Variants in LAMC2 observed in about 807,000 individuals in gnomAD.
LAMC2 encodes laminin subunit gamma-2.
In LAMC2, 97 loss-of-function variants were observed where a neutral mutation model predicts 140.2. The ratio of observed to expected loss-of-function variants is 0.69; its 90% CI spans 0.59 to 0.82. LAMC2 has a LOEUF of 0.82. LAMC2 is among the 40% of genes least tolerant of loss of function. The pLI, the probability that LAMC2 is intolerant of heterozygous loss-of-function variation, is 0.00. For missense variants in LAMC2, 1,402 were observed against 1,476.1 expected, an observed-to-expected ratio of 0.95 and a Z score of 0.82; for synonymous variants, 513 against 540.2, an observed-to-expected ratio of 0.95 and a Z score of 0.70.
rs944567230 is a variant in LAMC2 at position 183,227,511 on chromosome 1, C to G, written c.1286-4C>G. The G allele has an allele frequency of 1.2e-6, 2 of 1,613,238 alleles. No homozygotes were observed. Among genetic ancestry groups the G allele is most frequent in the Non-Finnish European group, 8.5e-7 (1 of 1,179,234 alleles). The stretch of plus-strand genomic sequence containing the variant: ...CTGCCCCTCCACTCTTCTCCTACCC[C>G]CAGGAGATTGTTATTCAGGGGATGA... On this transcript the variant is annotated splice_polypyrimidine_tract_variant and splice_region_variant and intron_variant, in intron 9 of 22. Coordinates refer to ENST00000264144, the MANE Select transcript of LAMC2 (RefSeq NM_005562.3).
rs376681961 is a variant in LAMC2 at position 183,234,348 on chromosome 1, G to T, written c.2221-19G>T. 7 of 1,605,928 alleles carry T rather than the reference G, an allele frequency of 4.4e-6. No homozygotes were observed. In the African/African-American group the frequency reaches 9.4e-5, roughly 21 times the overall value. ...AAGCCTTAACCGATTCGCCTTAACC[G>T]ATTCTCCTTTTCCCACAGAACATTC... On this transcript the variant is annotated intron_variant, in intron 14 of 22. Transcript: ENST00000264144.
At chr1:183,197,128 G>A (rs1351098613) in intron 1 of LAMC2, among the ~76,000 whole-genome samples, 3 of 152,208 alleles carry the variant, frequency 2.0e-5, no homozygotes, top group African/African-American at 7.2e-5. Flanking sequence ...AAGTTGCAGG[G>A]AATTCAGCTA....
intron 8 of LAMC2, among the ~76,000 whole-genome samples, chr1:183,226,486 G>A (rs1453844515): frequency 6.6e-6 from 1 of 152,174 alleles, no homozygotes; most frequent in Non-Finnish European, 1.5e-5. Flanking sequence ...GCTAGTGAGG[G>A]TGGATTCAGA....
At chr1:183,221,744 GA>G (rs910367440) in intron 5 of LAMC2, among the ~76,000 whole-genome samples, 16 of 145,858 alleles carry the variant, frequency 1.1e-4, no homozygotes, top group African/African-American at 1.8e-4. Context: ...AAAAACAAAT[GA>G]AAAAAAAATG....
intron 11 of LAMC2, among the ~76,000 whole-genome samples, chr1:183,229,065 T>C (rs1277991113): frequency 6.6e-6 from 1 of 152,122 alleles, no homozygotes; most frequent in Non-Finnish European, 1.5e-5. Flanking sequence ...GTCAGCGTAA[T>C]TGATGTGTAG....
chr1:183,219,017 T>C (rs772399500), intron 4 of LAMC2, among the ~76,000 whole-genome samples: 14 of 152,160 alleles, frequency 9.2e-5, no homozygotes, highest in African/African-American at 3.4e-4. Flanking sequence ...TAAGAGCCCT[T>C]TGGGCCAAGC....
chr1:183,216,645 C>G (rs1037320791), intron 3 of LAMC2, among the ~76,000 whole-genome samples: 2 of 152,198 alleles, frequency 1.3e-5, no homozygotes, highest in Non-Finnish European at 2.9e-5. Flanking sequence ...ATCCCCACCC[C>G]ACTATCTCCT....
chr1:183,240,570 C>G (rs1308273504), intron 22 of LAMC2, 179 bp downstream of exon 22: 1 of 1,442,524 alleles, frequency 6.9e-7, no homozygotes, highest in African/African-American at 1.4e-5. Context: ...TTACTGGACC[C>G]TGTTTTACCG....
At position 183,241,648 on chromosome 1, in the gene LAMC2, C is replaced by T. The variant is rs1380582201; in HGVS notation, c.3328+1257C>T. On this transcript the variant is annotated intron_variant, in intron 22 of 22. Transcript: ENST00000264144. ...CTATTCCAGTTCAGTAGAACAACTT[C>T]GAAACTGGATTTTTCTGTAGGGTGT... 2.6e-5 allele frequency among the ~76,000 whole-genome samples: 4 copies of T among 151,978 alleles called. No homozygotes were observed. The East Asian group carries it at 5.8e-4, about 22-fold the overall frequency.
In LAMC2 at chr1:183,228,664, A is replaced by C; in HGVS notation, c.1714+45A>C. 6.2e-7 allele frequency: 1 copy of C among 1,611,114 alleles called. No homozygotes were observed. Among genetic ancestry groups the C allele is most frequent in the Non-Finnish European group, 8.5e-7 (1 of 1,179,306 alleles). ...AGGCTGTGTCTGTGCGTGCCTGTGT[A>C]CGTATGCACTTGCTTGCCATCTAAG... On this transcript the variant is annotated intron_variant, in intron 11 of 22. Transcript: ENST00000264144. The surrounding 1 kb of genome is among the most constrained non-coding windows in gnomAD (Gnocchi z 4.3).
intron 19 of LAMC2, among the ~76,000 whole-genome samples, chr1:183,238,744 T>A (rs113859162): frequency 6.6e-4 from 100 of 152,328 alleles, no homozygotes; most frequent in African/African-American, 2.4e-3. Flanking sequence ...AAACTATGTG[T>A]TCTCTAAGTT....
intron 14 of LAMC2, 25 bp downstream of exon 14, chr1:183,232,882 T>C (rs1659845063): frequency 1.2e-6 from 2 of 1,606,430 alleles, no homozygotes; most frequent in Non-Finnish European, 1.7e-6. Context: ...GGCTAGAGTA[T>C]TGAGAATACT....
At chr1:183,235,496 T>C (rs1659925753) in intron 15 of LAMC2, 79 bp from the exon 16 acceptor site, 1 of 1,514,700 alleles carries the variant, frequency 6.6e-7, no homozygotes, top group African/African-American at 1.4e-5. Flanking sequence ...CCCGTACTCT[T>C]TGCCCTTCGT....
In LAMC2 at chr1:183,240,372, C is replaced by T. The variant is rs753696912; in HGVS notation, c.3309C>T (p.Asp1103=). 1.5e-5 allele frequency: 24 copies of T among 1,614,080 alleles called. No homozygotes were observed. The highest frequency in any genetic ancestry group is 6.6e-5 in the South Asian group (6 of 91,086). ...VTIQDTLNTL[D]GLLHLMDQPL... ...TCCAAGACACACTCAACACATTAGA[C>T]GGCCTCCTGCATCTGATGGGTATGT... The change falls in exon 22 of 23, where the codon GAC becomes GAT. Residue 1103 remains aspartate, a synonymous_variant. Coordinates refer to ENST00000264144, the MANE Select transcript of LAMC2 (RefSeq NM_005562.3).
At chr1:183,187,703 C>T (rs1033722757) in intron 1 of LAMC2, among the ~76,000 whole-genome samples, 1 of 152,048 alleles carries the variant, frequency 6.6e-6, no homozygotes, top group African/African-American at 2.4e-5. Flanking sequence ...GAAGTCTCAG[C>T]CTAATGGAAG....
chr1:183,229,510 G>A (rs1659737381), intron 11 of LAMC2, among the ~76,000 whole-genome samples: 1 of 151,704 alleles, frequency 6.6e-6, no homozygotes, highest in Admixed American at 6.6e-5. Context: ...GGTGGTGGGT[G>A]CCTGTAATCC....
intron 22 of LAMC2, among the ~76,000 whole-genome samples, chr1:183,241,750 A>G (rs568032930): frequency 6.6e-6 from 1 of 152,262 alleles, no homozygotes; most frequent in African/African-American, 2.4e-5. Context: ...TGAGCCCAAA[A>G]GAGTAAAATG....
Position 183,215,504 on chromosome 1 carries a change from G to C in LAMC2, c.320G>C (p.Gly107Ala). Residue 107 changes from glycine (G) to alanine (A), a missense_variant, in exon 3 of 23, where the codon GGT becomes GCT. Around this residue, in one of 3 missense-constraint regions of LAMC2, gnomAD observed 723 missense variants for 783.3 expected, o/e 0.92. Coordinates refer to ENST00000264144, the MANE Select transcript of LAMC2 (RefSeq NM_005562.3). Reference protein sequence around the residue: ...DNSGRCSCKPGVTGARCDRCL... With the variant: ...DNSGRCSCKPAVTGARCDRCL... Reference sequence around the variant, plus strand: ...TCCGGACGGTGCAGCTGTAAACCAGGTGTGACAGGAGCCAGATGCGACCGA... The same window carrying C: ...TCCGGACGGTGCAGCTGTAAACCAGCTGTGACAGGAGCCAGATGCGACCGA... The C allele has an allele frequency of 1.2e-6, 2 of 1,614,126 alleles. No homozygotes were observed. The highest frequency in any genetic ancestry group is 1.7e-4 in the Middle Eastern group (1 of 6,060).
At chr1:183,199,543 C>T (rs1205779429) in intron 1 of LAMC2, among the ~76,000 whole-genome samples, 1 of 151,922 alleles carries the variant, frequency 6.6e-6, no homozygotes, top group African/African-American at 2.4e-5. Context: ...ATGCTATCCA[C>T]CATCTTTCCA....
Sources: allele counts gnomAD v4.1 joint callset (sites outside exome capture counted in the v4.1 genomes callset), GRCh38; gene constraint gnomAD v4.1.1; regional missense constraint gnomAD v4.1.1; non-coding constraint Gnocchi (gnomAD v3.1); transcripts MANE v1.5; gene names NCBI Gene and HGNC (gene_info 2026-07-23, HGNC 2026-07-21).